IQSEC1: variants seen among roughly 807,000 people sequenced by gnomAD.
IQSEC1 encodes IQ motif and Sec7 domain ArfGEF 1.
Under a neutral mutation model 91.0 loss-of-function variants are expected in IQSEC1, and 31 were observed. The observed-to-expected ratio is 0.34, with a 90% CI of 0.26 to 0.46. The LOEUF (loss-of-function observed/expected upper bound fraction) is 0.46, where lower values mean the gene tolerates loss of function less well. Ranked by LOEUF, IQSEC1 falls within the 20% of genes least tolerant of loss-of-function variation. IQSEC1 has a pLI of 1.00. For missense variants in IQSEC1, 1,388 were observed against 1,575.6 expected (o/e 0.88, Z 2.02); for synonymous variants, 699 against 662.6 (o/e 1.05, Z -0.84).
At chr3:12,902,316 A>G (rs1248813027) in intron 13 of IQSEC1, among the ~76,000 whole-genome samples, 10 of 152,070 alleles carry the variant, frequency 6.6e-5, no homozygotes, top group Admixed American at 5.9e-4. Context: ...CTCCAAGAAG[A>G]AAGCGATGAG....
rs1024125112 is a variant in IQSEC1, at chr3:12,944,854, G to A, written c.24-2989C>T. Among the ~76,000 whole-genome samples the A allele has an allele frequency of 8.5e-5, 13 of 152,358 alleles. No homozygotes were observed. The East Asian group carries it at 2.5e-3, about 29-fold the overall frequency. On this transcript the variant is annotated intron_variant, in intron 1 of 13. Transcript: ENST00000613206. ...CTGAGCTGCTGGGAGGCACCGTCAGGGAGGGGAGTGTGGGACCCTCACTGT... is the reference window on the plus strand; with the variant it reads ...CTGAGCTGCTGGGAGGCACCGTCAGAGAGGGGAGTGTGGGACCCTCACTGT...
intron 2 of IQSEC1, among the ~76,000 whole-genome samples, chr3:13,128,601 C>T (rs1308797648): frequency 6.6e-6 from 1 of 152,130 alleles, no homozygotes; most frequent in Non-Finnish European, 1.5e-5. Context: ...CACAGTGGCT[C>T]ACGCCTGTAA....
intron 1 of IQSEC1, among the ~76,000 whole-genome samples, chr3:13,171,775 T>A (rs1175920524): frequency 6.6e-6 from 1 of 152,142 alleles, no homozygotes; most frequent in Non-Finnish European, 1.5e-5. Flanking sequence ...TCCCTCTCCC[T>A]GGGGCCAGAG....
At chr3:13,096,274 T>C (rs1705953475) in intron 2 of IQSEC1, among the ~76,000 whole-genome samples, 1 of 152,180 alleles carries the variant, frequency 6.6e-6, no homozygotes, top group Non-Finnish European at 1.5e-5. Context: ...GCCCTAGCTC[T>C]TGGGGAGCTC....
chr3:12,951,680 G>A lies in IQSEC1; in HGVS notation c.24-9815C>T, dbSNP rs115949007. Among the ~76,000 whole-genome samples, 380 of 152,258 alleles carry A rather than the reference G, an allele frequency of 2.5e-3. 4 individuals are homozygous for A. Among genetic ancestry groups the A allele is most frequent in the African/African-American group, 8.8e-3 (365 of 41,558 alleles). Reference sequence around the variant, plus strand: ...CCAAAAAGACTTATGGACTCCTGAGGTCCTTCCTAGGGAGCAGTAGGGTGA... The same window carrying A: ...CCAAAAAGACTTATGGACTCCTGAGATCCTTCCTAGGGAGCAGTAGGGTGA... On this transcript the variant is annotated intron_variant, in intron 1 of 13. Transcript: ENST00000613206.
At chr3:13,192,733 G>A (rs1273564953) in intron 1 of IQSEC1, among the ~76,000 whole-genome samples, 4 of 152,220 alleles carry the variant, frequency 2.6e-5, no homozygotes, top group Admixed American at 6.5e-5. Flanking sequence ...GGAGGCCCCC[G>A]ACACAGTCCC....
At chr3:13,254,676 C>T (rs996402567) in intron 1 of IQSEC1, among the ~76,000 whole-genome samples, 3 of 152,240 alleles carry the variant, frequency 2.0e-5, no homozygotes, top group African/African-American at 4.8e-5. Flanking sequence ...GCGCTTCCTA[C>T]TCGTTTTCCT....
At chr3:13,199,743 C>T (rs1257553764) in intron 1 of IQSEC1, among the ~76,000 whole-genome samples, 7 of 151,616 alleles carry the variant, frequency 4.6e-5, no homozygotes, top group Non-Finnish European at 1.0e-4. Context: ...CTGAGTCCTC[C>T]GTGGCTGTCC....
At chr3:13,090,759 G>A (rs1187944577) in intron 2 of IQSEC1, among the ~76,000 whole-genome samples, 1 of 152,166 alleles carries the variant, frequency 6.6e-6, no homozygotes, top group East Asian at 1.9e-4. Context: ...GCCTGAGGAG[G>A]CACACTAAGG....
chr3:13,043,360 G>A (rs1409192500), intron 1 of IQSEC1, among the ~76,000 whole-genome samples: 1 of 152,168 alleles, frequency 6.6e-6, no homozygotes, highest in African/African-American at 2.4e-5. Flanking sequence ...CCCTCCCATG[G>A]CCCATTTCCC....
intron 1 of IQSEC1, among the ~76,000 whole-genome samples, chr3:13,179,615 G>A (rs60311723): frequency 0.03 from 4,627 of 152,344 alleles, 241 homozygotes; most frequent in African/African-American, 0.095. Context: ...GCCCTCGCTC[G>A]CTCTCGGCGC....
At chr3:13,213,524 T>C (rs566915879) in intron 1 of IQSEC1, among the ~76,000 whole-genome samples, 2 of 152,230 alleles carry the variant, frequency 1.3e-5, no homozygotes, top group Non-Finnish European at 2.9e-5. Flanking sequence ...CTGTGAATTA[T>C]GGAATCAGCT....
At chr3:13,131,037 A>AAGGAAAGGAAGGAAGG (rs144089637) in intron 2 of IQSEC1, among the ~76,000 whole-genome samples, 2 of 143,792 alleles carry the variant, frequency 1.4e-5, no homozygotes, top group African/African-American at 5.2e-5. Flanking sequence ...GGAAGGAAGG[A>AAGGAAAGGAAGGAAGG]AAGGAAGGAA....
intron 1 of IQSEC1, among the ~76,000 whole-genome samples, chr3:12,980,544 AT>A (rs1701401049): frequency 6.6e-6 from 1 of 152,226 alleles, no homozygotes; most frequent in Non-Finnish European, 1.5e-5. Context: ...TAGGAACATG[AT>A]TTGTAACTAC....
At chr3:13,237,192 G>A (rs1694945403) in intron 1 of IQSEC1, among the ~76,000 whole-genome samples, 2 of 152,250 alleles carry the variant, frequency 1.3e-5, no homozygotes, top group African/African-American at 4.8e-5. Flanking sequence ...CAAATGTAAA[G>A]GGTCTGAAAA....
intron 2 of IQSEC1, among the ~76,000 whole-genome samples, chr3:13,086,098 A>G (rs1464546944): frequency 6.6e-6 from 1 of 152,210 alleles, no homozygotes; most frequent in Non-Finnish European, 1.5e-5. Context: ...TGAGGTAGGC[A>G]GCTGAGGACA....
upstream of IQSEC1, among the ~76,000 whole-genome samples, chr3:13,075,822 C>T (rs1204229853): frequency 4.6e-5 from 7 of 152,198 alleles, no homozygotes; most frequent in South Asian, 2.1e-4. Flanking sequence ...CTCCAAAAAG[C>T]GTGGAGCTGG....
At position 12,967,913 on chromosome 3, in the gene IQSEC1, T is replaced by C. The variant is rs1284697145; in HGVS notation, c.24-26048A>G. Among the ~76,000 whole-genome samples, 1 of 52,448 alleles carries C rather than the reference T, an allele frequency of 1.9e-5. No homozygotes were observed. Among genetic ancestry groups the C allele is most frequent in the Non-Finnish European group, 3.7e-5 (1 of 27,330 alleles). The allele number at this position is 52,448 out of a possible 152,430, so 34.4% of individuals were successfully genotyped here. A position where few individuals can be genotyped will look rare whatever the true frequency, so the allele number is the denominator to read the frequency against. ...GGGGCGGGGGGTCAGGGGCGGGGCG[T>C]CAGGGGCGGGGCTACGCGCAGGGGC... On this transcript the variant is annotated intron_variant, in intron 1 of 13. Coordinates refer to ENST00000613206, the MANE Select transcript of IQSEC1 (RefSeq NM_001134382.3). The surrounding 1 kb of genome is among the most constrained non-coding windows in gnomAD (Gnocchi z 5.9).
chr3:12,908,263 C>T lies in IQSEC1; in HGVS notation c.2755+86G>A, dbSNP rs1397401029. ...ACTGGCTTCGCCGCAGGCCCTGCCC[C>T]GCGTGATGCATGCCCTGAATGCAGA... On this transcript the variant is annotated intron_variant, in intron 12 of 13. Transcript: ENST00000613206. This position sits in a 1 kb window ranked among gnomAD's most constrained non-coding sequence, Gnocchi z 4.9. 15 of 1,419,722 alleles carry T rather than the reference C, an allele frequency of 1.1e-5. No homozygotes were observed. The highest frequency in any genetic ancestry group is 8.4e-5 in the African/African-American group (6 of 71,202). The allele number at this position is 1,419,722 out of a possible 1,614,324, so 87.9% of individuals were successfully genotyped here.
Sources: allele counts gnomAD v4.1 joint callset (sites outside exome capture counted in the v4.1 genomes callset), GRCh38; gene constraint gnomAD v4.1.1; non-coding constraint Gnocchi (gnomAD v3.1); transcripts MANE v1.5; gene names NCBI Gene and HGNC (gene_info 2026-07-23, HGNC 2026-07-21).